Variants in LRSAM1 observed in about 807,000 individuals in gnomAD.
LRSAM1 encodes the protein E3 ubiquitin-protein ligase LRSAM1.
A neutral mutation model predicts 118.1 loss-of-function variants in LRSAM1; 96 were observed. That is an observed-to-expected ratio of 0.81 (90% CI 0.69 to 0.96). LRSAM1 has a LOEUF of 0.96. Among genes scored for constraint, LRSAM1 ranks in the 40% least tolerant of loss-of-function variants. The pLI, the probability that LRSAM1 is intolerant of heterozygous loss-of-function variation, is 0.00. For missense variants in LRSAM1, 804 were observed against 915.5 expected, an observed-to-expected ratio of 0.88 and a Z score of 1.57; for synonymous variants, 322 against 364.2, an observed-to-expected ratio of 0.88 and a Z score of 1.32.
chr9:127,485,049 C>A (rs1835680305), intron 16 of LRSAM1, among the ~76,000 whole-genome samples: 1 of 152,004 alleles, frequency 6.6e-6, no homozygotes. Context: ...CTCCGGTGAT[C>A]CACCTGCCTT....
chr9:127,487,624 AG>A (rs1835778125), intron 17 of LRSAM1, 51 bp from the exon 18 acceptor site: 1 of 1,543,112 alleles, frequency 6.5e-7, no homozygotes. Context: ...GGCACATAGT[AG>A]GTGCTCGGGA....
At chr9:127,481,135 A>C in intron 14 of LRSAM1, 48 bp from the exon 15 acceptor site, 2 of 1,605,372 alleles carry the variant, frequency 1.2e-6, no homozygotes, top group Non-Finnish European at 1.7e-6. Flanking sequence ...TGAGACAGGA[A>C]ACAGGCCTGC....
chr9:127,451,699 A>C, intron 1 of LRSAM1, 30 bp downstream of exon 1: 13 of 261,654 alleles, frequency 5.0e-5, no homozygotes, highest in East Asian at 7.9e-5. Flanking sequence ...CCGTCACCCA[A>C]TCCCAGAGCC....
At chr9:127,492,377 C>A (rs924429169) in intron 20 of LRSAM1, among the ~76,000 whole-genome samples, 51 of 152,186 alleles carry the variant, frequency 3.4e-4, no homozygotes, top group African/African-American at 9.4e-4. Context: ...TGTTGGGGCC[C>A]CCATGGGGTT....
Position 127,454,896 on chromosome 9 carries a change from A to ATGGTCCTTTGCAGCTGCTTAC in LRSAM1, c.73-101_73-81dup. 5.3e-6 allele frequency: 6 copies of ATGGTCCTTTGCAGCTGCTTAC among 1,138,630 alleles called. No individual in the cohort carries two copies. In the South Asian group the frequency reaches 6.2e-5, roughly 12 times the overall value. 70.5% of individuals were successfully genotyped at this position (1,138,630 alleles called of 1,614,324 possible). On this transcript the variant is annotated intron_variant, in intron 3 of 25. Coordinates refer to ENST00000300417, the MANE Select transcript of LRSAM1 (RefSeq NM_001005373.4). ...GGACCAGTGGAACCAGATAGTGTCT[A>ATGGTCCTTTGCAGCTGCTTAC]TGGTCCTTTGCAGCTGCTTACATTT...
chr9:127,492,772 C>G (rs544928820), intron 20 of LRSAM1, 30 bp from the exon 21 acceptor site: 1 of 1,605,684 alleles, frequency 6.2e-7, no homozygotes, highest in East Asian at 2.2e-5. Context: ...CGCCAGCTCA[C>G]GGTGGTGCGG....
chr9:127,482,525 C>G (rs529499051), intron 15 of LRSAM1, among the ~76,000 whole-genome samples: 2 of 152,334 alleles, frequency 1.3e-5, no homozygotes, highest in Non-Finnish European at 2.9e-5. Flanking sequence ...TGCCAGTTTA[C>G]ACTCCTCTCA....
chr9:127,469,916 G>A (rs939623472), intron 10 of LRSAM1, among the ~76,000 whole-genome samples: 5 of 152,168 alleles, frequency 3.3e-5, no homozygotes, highest in East Asian at 3.9e-4. Context: ...AGTGAGCCGA[G>A]ATTGCGCCAC....
chr9:127,500,956 G>A (rs957617008), intron 24 of LRSAM1, 54 bp from the exon 25 acceptor site: 11 of 1,612,708 alleles, frequency 6.8e-6, no homozygotes, highest in Admixed American at 3.3e-5. Flanking sequence ...AGCCCCCAGG[G>A]GTTAGGGTCA....
At chr9:127,474,096 A>C (rs556959503) in intron 11 of LRSAM1, among the ~76,000 whole-genome samples, 165 bp downstream of exon 11, 2 of 152,216 alleles carry the variant, frequency 1.3e-5, no homozygotes, top group Admixed American at 6.5e-5. Context: ...CTGCTTTTTC[A>C]AGGCCTGCTG....
At chr9:127,473,275 A>G (rs1391921217) in intron 10 of LRSAM1, among the ~76,000 whole-genome samples, 1 of 152,232 alleles carries the variant, frequency 6.6e-6, no homozygotes, top group Non-Finnish European at 1.5e-5. Flanking sequence ...AAGACCAGTT[A>G]CCACCTGGAA....
chr9:127,497,580 A>C (rs1406789224), intron 24 of LRSAM1, among the ~76,000 whole-genome samples: 1 of 152,222 alleles, frequency 6.6e-6, no homozygotes, highest in Non-Finnish European at 1.5e-5. Context: ...GGGCCCTCCC[A>C]GCTCCCTGTC....
At chr9:127,473,099 A>G (rs1262622511) in intron 10 of LRSAM1, among the ~76,000 whole-genome samples, 1 of 152,154 alleles carries the variant, frequency 6.6e-6, no homozygotes, top group African/African-American at 2.4e-5. Context: ...TTATTATTCT[A>G]ATGTCACTTC....
At chr9:127,475,775 C>T (rs930854270) in intron 11 of LRSAM1, among the ~76,000 whole-genome samples, 2 of 151,978 alleles carry the variant, frequency 1.3e-5, no homozygotes, top group African/African-American at 4.8e-5. Flanking sequence ...GAGTCTCACT[C>T]TGTTGCCCAG....
At chr9:127,495,015 G>C (rs967369084) in intron 21 of LRSAM1, among the ~76,000 whole-genome samples, 1 of 152,144 alleles carries the variant, frequency 6.6e-6, no homozygotes, top group Non-Finnish European at 1.5e-5. Flanking sequence ...GCAGTGGCGC[G>C]ATCTCAGCTC....
chr9:127,496,403 C>T (rs1836146298), intron 23 of LRSAM1, among the ~76,000 whole-genome samples: 1 of 152,192 alleles, frequency 6.6e-6, no homozygotes, highest in African/African-American at 2.4e-5. Flanking sequence ...TGCCCTGCCT[C>T]ATGGTGTCAC....
chr9:127,495,933 C>T, intron 22 of LRSAM1, 31 bp from the exon 23 acceptor site: 4 of 1,610,550 alleles, frequency 2.5e-6, no homozygotes, highest in East Asian at 2.2e-5. Flanking sequence ...TTTCTTCCTT[C>T]CTGCTCATGG....
intron 22 of LRSAM1, 129 bp downstream of exon 22, chr9:127,495,547 C>A: frequency 2.5e-6 from 2 of 799,260 alleles, no homozygotes; most frequent in Non-Finnish European, 4.2e-6. Context: ...AGATCCTGTG[C>A]CAAGCCCCAG....
rs763989536 is a variant in LRSAM1, at chr9:127,495,365, C to T, written c.1645C>T (p.Leu549=). ...KSETRQENYW[L]IQYQRLLNQK... ...TGAAACCAGGCAGGAAAATTACTGG[C>T]TGATTCAGTATCAACGGCTTTTGAA... Residue 549 remains leucine, a synonymous_variant, in exon 22 of 26, where the codon CTG becomes TTG. Transcript: ENST00000300417. 14 of 1,613,964 alleles carry T rather than the reference C, an allele frequency of 8.7e-6. No homozygotes were observed. The East Asian group carries it at 2.7e-4, about 31-fold the overall frequency.
Sources: allele counts gnomAD v4.1 joint callset (sites outside exome capture counted in the v4.1 genomes callset), GRCh38; gene constraint gnomAD v4.1.1; transcripts MANE v1.5; gene names NCBI Gene and HGNC (gene_info 2026-07-23, HGNC 2026-07-21).